RSPH14: variants seen among roughly 807,000 people sequenced by gnomAD.
RSPH14 encodes rhabdoid tumor deletion region gene 1.
In RSPH14, 20 loss-of-function variants were observed where a neutral mutation model predicts 26.7. The ratio of observed to expected loss-of-function variants is 0.75; its 90% CI spans 0.53 to 1.09. The LOEUF is 1.09. Among genes scored for constraint, RSPH14 ranks in the 50% least tolerant of loss-of-function variants. The pLI is 0.00. For synonymous variants in RSPH14, 177 were observed against 189.3 expected, an observed-to-expected ratio of 0.93 and a Z score of 0.53; for missense variants, 449 against 457.2, an observed-to-expected ratio of 0.98 and a Z score of 0.16.
At chr22:23,127,469 A>G (rs2070213222) in intron 4 of RSPH14, among the ~76,000 whole-genome samples, 1 of 152,184 alleles carries the variant, frequency 6.6e-6, no homozygotes, top group African/African-American at 2.4e-5. Context: ...CTGCTCCTCT[A>G]GGGCAGCTGG....
At chr22:23,089,866 C>A (rs2068918665) in intron 4 of RSPH14, among the ~76,000 whole-genome samples, 1 of 152,138 alleles carries the variant, frequency 6.6e-6, no homozygotes, top group Non-Finnish European at 1.5e-5. Context: ...TAAGAGCCTA[C>A]AGCCAAGAGA....
At chr22:23,176,793 C>G in the RSPH14 span, among the ~76,000 whole-genome samples, 1 of 152,202 alleles carries the variant, frequency 6.6e-6, no homozygotes, top group Non-Finnish European at 1.5e-5. Flanking sequence ...CTCCCACGCC[C>G]AACCTTCCAT....
the RSPH14 span, among the ~76,000 whole-genome samples, chr22:23,174,268 G>T: frequency 6.6e-6 from 1 of 151,604 alleles, no homozygotes; most frequent in African/African-American, 2.4e-5. Flanking sequence ...GCTGGGCACT[G>T]TGGCTCACGC....
intron 4 of RSPH14, among the ~76,000 whole-genome samples, chr22:23,075,614 G>A (rs1389118355): frequency 6.6e-6 from 1 of 152,188 alleles, no homozygotes; most frequent in African/African-American, 2.4e-5. Flanking sequence ...CCATCAAAAA[G>A]TGCTAAGAAG....
In RSPH14 at chr22:23,137,569, C is replaced by T. The variant is rs573768234; in HGVS notation, c.302+1271G>A. On this transcript the variant is annotated intron_variant, in intron 3 of 6. Coordinates refer to ENST00000216036, the MANE Select transcript of RSPH14 (RefSeq NM_014433.3). ...CACAGGAGTCAAGTCACCTTTCCTG[C>T]TGTTTTTTTTCCCTTCAAATCCTGA... 8.8e-4 allele frequency among the ~76,000 whole-genome samples: 125 copies of T among 142,836 alleles called. 1 individual carries two copies. The highest frequency in any genetic ancestry group is 2.9e-3 in the African/African-American group (119 of 40,744). The allele number at this position is 142,836 out of a possible 152,430, so 93.7% of individuals were successfully genotyped here.
At chr22:23,075,207 C>T (rs1207096637) in intron 4 of RSPH14, among the ~76,000 whole-genome samples, 1 of 152,160 alleles carries the variant, frequency 6.6e-6, no homozygotes, top group African/African-American at 2.4e-5. Context: ...AGCATTTCTC[C>T]TCCCTTCCCT....
At chr22:23,084,715 C>T (rs564220508) in intron 4 of RSPH14, among the ~76,000 whole-genome samples, 79 of 152,362 alleles carry the variant, frequency 5.2e-4, no homozygotes, top group Non-Finnish European at 9.4e-4. Flanking sequence ...CCGCCCTTCA[C>T]TACCCCAAGG....
chr22:23,148,558 G>A (rs117726486), upstream of RSPH14, among the ~76,000 whole-genome samples: 21 of 152,300 alleles, frequency 1.4e-4, no homozygotes, highest in East Asian at 3.9e-3. Flanking sequence ...TTCACAGGTG[G>A]CATTCTCCCC....
At chr22:23,143,238 A>T (rs1386258396), upstream of RSPH14, among the ~76,000 whole-genome samples, 1 of 151,844 alleles carries the variant, frequency 6.6e-6, no homozygotes, top group Non-Finnish European at 1.5e-5. Context: ...TTACAGTGAG[A>T]TATGATCACA....
rs2068706524 is a variant in RSPH14 at position 23,082,358 on chromosome 22, C to T, written c.422-18225G>A. Among the ~76,000 whole-genome samples the T allele has an allele frequency of 2.0e-5, 3 of 149,010 alleles. No individual in the cohort carries two copies. The Admixed American group carries it at 2.0e-4, about 10-fold the overall frequency. On this transcript the variant is annotated intron_variant, in intron 4 of 6. Transcript: ENST00000216036. ...TCGAAAGTAGCTGGGATTACAGGCG[C>T]ACACCACCACACCTGGCTATTTTTT...
intron 4 of RSPH14, chr22:23,124,496 T>C: frequency 2.6e-6 from 1 of 385,978 alleles, no homozygotes; most frequent in Non-Finnish European, 5.5e-6. Flanking sequence ...TGGTGGGGTT[T>C]TCTGCTTTGT....
chr22:23,121,323 G>A (rs1055335533), intron 4 of RSPH14, among the ~76,000 whole-genome samples: 1 of 152,196 alleles, frequency 6.6e-6, no homozygotes, highest in Non-Finnish European at 1.5e-5. Flanking sequence ...GTACCTCTGG[G>A]TATCCTTCCT....
the RSPH14 span, among the ~76,000 whole-genome samples, chr22:23,172,307 T>C: frequency 5.9e-5 from 9 of 151,910 alleles, no homozygotes; most frequent in Admixed American, 4.6e-4. Flanking sequence ...TCCCAGCTAC[T>C]TGGGAGGCTG....
At chr22:23,095,075 A>G (rs11912576) in intron 4 of RSPH14, among the ~76,000 whole-genome samples, 4,058 of 152,308 alleles carry the variant, frequency 0.027, 176 homozygotes, top group African/African-American at 0.092. Context: ...GTGTTACACC[A>G]TGGTGTGGGC....
Position 23,134,134 on chromosome 22 carries a change from G to C in RSPH14, c.313C>G (p.Leu105Val), listed in dbSNP as rs2070417535. 1.2e-6 allele frequency: 2 copies of C among 1,608,684 alleles called. No individual in the cohort carries two copies. Among genetic ancestry groups the C allele is most frequent in the African/African-American group, 1.3e-5 (1 of 74,814 alleles). The change falls in exon 4 of 7, where the codon CTA becomes GTA. Residue 105 changes from leucine (L) to valine (V), a missense_variant. By Grantham distance (32) the Leu-to-Val change is conservative. Transcript: ENST00000216036. Reference sequence around the variant, plus strand: ...AGGGCAAGGACGATGTCGTGCTCTAGAAAGGCGTATCTAGGGAAGGGAGGG... The same window carrying C: ...AGGGCAAGGACGATGTCGTGCTCTACAAAGGCGTATCTAGGGAAGGGAGGG... Reference protein sequence around the residue: ...ASHSVGRYAFLEHDIVLALSF... With the variant: ...ASHSVGRYAFVEHDIVLALSF...
At chr22:23,123,543 TC>T in intron 4 of RSPH14, 1 of 659,484 alleles carries the variant, frequency 1.5e-6, no homozygotes, top group Non-Finnish European at 2.6e-6. Flanking sequence ...CTAAAGAATG[TC>T]CCCCACCCCT....
intron 4 of RSPH14, among the ~76,000 whole-genome samples, chr22:23,126,033 G>A (rs914413964): frequency 5.3e-5 from 8 of 152,288 alleles, no homozygotes; most frequent in South Asian, 2.1e-4. Context: ...ACCTTCCTAC[G>A]TCACCAAACA....
chr22:23,151,706 G>C, the RSPH14 span, among the ~76,000 whole-genome samples: 1,025 of 152,278 alleles, frequency 6.7e-3, 17 homozygotes, highest in African/African-American at 0.023. Flanking sequence ...GCAACACAGC[G>C]AGACCCTGTC....
At chr22:23,166,147 T>TAAAAAAAA in the RSPH14 span, among the ~76,000 whole-genome samples, 96 of 59,882 alleles carry the variant, frequency 1.6e-3, no homozygotes, top group African/African-American at 6.6e-3. Context: ...CTCTGTCTTT[T>TAAAAAAAA]AAAAAAAAAA....
Sources: gnomAD v4.1 joint callset for allele counts (sites outside exome capture counted in the v4.1 genomes callset) on GRCh38, gnomAD v4.1.1 for gene constraint, MANE v1.5 for transcripts, NCBI Gene and HGNC (gene_info 2026-07-23, HGNC 2026-07-21) for gene names.